AKAP13: variants seen among roughly 807,000 people sequenced by gnomAD.
AKAP13 encodes the protein A-kinase anchoring protein 13.
Under a neutral mutation model 264.5 loss-of-function variants are expected in AKAP13, and 80 were observed. That is an observed-to-expected ratio of 0.30 (90% CI 0.25 to 0.36). AKAP13 has a LOEUF of 0.36. AKAP13 is among the 10% of genes least tolerant of loss of function. The probability of loss-of-function intolerance (pLI) is 1.00; values close to 1 mark genes in which losing one functional copy is unlikely to be tolerated. For missense variants in AKAP13, 3,712 were observed against 3,435.2 expected, an observed-to-expected ratio of 1.08 and a Z score of -2.01; for synonymous variants, 1,380 against 1,250.2, an observed-to-expected ratio of 1.10 and a Z score of -2.19.
At chr15:85,395,063 A>C (rs1452402313) in intron 1 of AKAP13, among the ~76,000 whole-genome samples, 1 of 152,218 alleles carries the variant, frequency 6.6e-6, no homozygotes, top group Admixed American at 6.5e-5. Context: ...AGGACATGCA[A>C]GTTCCTTTTA....
chr15:85,645,690 G>A (rs1258751843), intron 9 of AKAP13, 128 bp from the exon 10 acceptor site: 1 of 985,622 alleles, frequency 1.0e-6, no homozygotes, highest in Non-Finnish European at 1.4e-6. Context: ...AAGGAGGGAA[G>A]GAAGAGAAAA....
chr15:85,536,520 G>A (rs11636764), intron 4 of AKAP13: 72,992 of 151,998 alleles, frequency 0.48, 18,139 homozygotes, highest in Middle Eastern at 0.6. Context: ...GTCTGTGCAC[G>A]GACGTGCTCA....
At chr15:85,397,274 T>G (rs1334917621) in intron 1 of AKAP13, among the ~76,000 whole-genome samples, 1 of 152,156 alleles carries the variant, frequency 6.6e-6, no homozygotes, top group East Asian at 1.9e-4. Context: ...CCTAAGTGCA[T>G]AGATTCTTTG....
chr15:85,388,158 C>A (rs913452363), intron 1 of AKAP13, among the ~76,000 whole-genome samples: 1 of 151,786 alleles, frequency 6.6e-6, no homozygotes, highest in African/African-American at 2.4e-5. Context: ...GCCTCAGCCT[C>A]CTAAGTAGCT....
intron 2 of AKAP13, among the ~76,000 whole-genome samples, chr15:85,507,652 G>A (rs929713690): frequency 6.6e-6 from 1 of 152,232 alleles, no homozygotes; most frequent in African/African-American, 2.4e-5. Flanking sequence ...CATTCTTTTA[G>A]TCAACCAATT....
intron 9 of AKAP13, 38 bp downstream of exon 9, chr15:85,639,487 G>T (rs1219121588): frequency 1.4e-6 from 2 of 1,451,638 alleles, no homozygotes; most frequent in African/African-American, 2.8e-5. Flanking sequence ...TGGAGCTGCA[G>T]CCCCACTCTG....
In AKAP13 at chr15:85,581,281, C is replaced by T. The variant is rs1157281610; in HGVS notation, c.3213C>T (p.Asn1071=). 3 of 1,614,170 alleles carry T rather than the reference C, an allele frequency of 1.9e-6. No homozygotes were observed. Among genetic ancestry groups the T allele is most frequent in the Admixed American group, 3.3e-5 (2 of 60,024 alleles). The change falls in exon 7 of 37, where the codon AAC becomes AAT. Residue 1071 remains asparagine (N), a synonymous_variant. Transcript: ENST00000394518. The part of the protein sequence containing the change: ...QPSPLDVGVK[N]TQSQGKTSAC... ...CTCCTCTGGATGTTGGAGTGAAGAA[C>T]ACTCAATCCCAGGGAAAAACTAGTG...
rs560282738 is a variant in AKAP13 at position 85,578,112 on chromosome 15, G to A, written c.862-818G>A. Among the ~76,000 whole-genome samples, 30 of 152,176 alleles carry A rather than the reference G, an allele frequency of 2.0e-4. No homozygotes were observed. In the South Asian group the frequency reaches 5.6e-3, roughly 28 times the overall value. ...AGCCTGGGCAACATAGTGAGACCCCGTCTCTACAAAAAATAAAACAATTAG... is the reference window on the plus strand; with the variant it reads ...AGCCTGGGCAACATAGTGAGACCCCATCTCTACAAAAAATAAAACAATTAG... On this transcript the variant is annotated intron_variant, in intron 6 of 36. Coordinates refer to ENST00000394518, the MANE Select transcript of AKAP13 (RefSeq NM_007200.5).
intron 1 of AKAP13, chr15:85,415,172 A>G: frequency 9.9e-7 from 1 of 1,009,570 alleles, no homozygotes; most frequent in East Asian, 2.6e-5. Flanking sequence ...ATGTGACAGC[A>G]CGCTGCCACG....
At chr15:85,669,693 A>C in intron 13 of AKAP13, 29 bp from the exon 14 acceptor site, 1 of 1,483,932 alleles carries the variant, frequency 6.7e-7, no homozygotes, top group Non-Finnish European at 9.4e-7. Flanking sequence ...ATATGCTTAC[A>C]ACGTGTTCTT....
intron 9 of AKAP13, among the ~76,000 whole-genome samples, chr15:85,645,605 A>G (rs1042040501): frequency 6.6e-6 from 1 of 152,150 alleles, no homozygotes; most frequent in Non-Finnish European, 1.5e-5. Flanking sequence ...AGCTATTTCA[A>G]CCTAGAATTG....
chr15:85,715,491 A>G (rs192665357), intron 19 of AKAP13, among the ~76,000 whole-genome samples: 95 of 152,244 alleles, frequency 6.2e-4, no homozygotes, highest in African/African-American at 2.3e-3. Context: ...TACAATTTCA[A>G]TAGTTATCAC....
intron 8 of AKAP13, among the ~76,000 whole-genome samples, chr15:85,592,333 C>T (rs1266811241): frequency 6.6e-6 from 1 of 152,158 alleles, no homozygotes; most frequent in Admixed American, 6.5e-5. Flanking sequence ...TGGCTGTTCA[C>T]AGACTTCATG....
intron 1 of AKAP13, among the ~76,000 whole-genome samples, chr15:85,427,434 C>T (rs1036488054): frequency 4.6e-5 from 7 of 151,968 alleles, no homozygotes; most frequent in Admixed American, 2.0e-4. Context: ...ATCCTAAACG[C>T]TTGATAGAGC....
chr15:85,647,718 G>C (rs540951594), intron 10 of AKAP13, among the ~76,000 whole-genome samples: 1 of 152,198 alleles, frequency 6.6e-6, no homozygotes, highest in African/African-American at 2.4e-5. Flanking sequence ...GGCTGAGGCG[G>C]GCTGATCATG....
chr15:85,483,403 G>A (rs902257174), intron 1 of AKAP13, among the ~76,000 whole-genome samples: 1 of 152,122 alleles, frequency 6.6e-6, no homozygotes, highest in Non-Finnish European at 1.5e-5. Flanking sequence ...GAGGCGGGTG[G>A]ATCATGAGGT....
intron 14 of AKAP13, among the ~76,000 whole-genome samples, chr15:85,674,727 G>A (rs1040565556): frequency 1.6e-4 from 25 of 152,162 alleles, no homozygotes; most frequent in African/African-American, 5.1e-4. Flanking sequence ...GATCAAGGTG[G>A]GCCTCTGGAA....
At position 85,744,991 on chromosome 15, in the gene AKAP13, C is replaced by T. The variant is rs752005946; in HGVS notation, c.*314C>T. The T allele has an allele frequency of 1.1e-5, 3 of 266,824 alleles. No individual in the cohort carries two copies. Among genetic ancestry groups the T allele is most frequent in the Non-Finnish European group, 2.1e-5 (3 of 140,664 alleles). 16.5% of individuals were successfully genotyped at this position (266,824 alleles called of 1,614,324 possible). On this transcript the variant is annotated 3_prime_UTR_variant, in exon 37 of 37. Transcript: ENST00000394518. ...GATGGTTTTGGACACGTCAGGAATTCCTAAAGGCTGAAAGAGTGTATCCAA... is the reference window on the plus strand; with the variant it reads ...GATGGTTTTGGACACGTCAGGAATTTCTAAAGGCTGAAAGAGTGTATCCAA...
chr15:85,586,614 G>A (rs552963090), intron 8 of AKAP13, among the ~76,000 whole-genome samples: 5 of 151,862 alleles, frequency 3.3e-5, no homozygotes, highest in Admixed American at 2.0e-4. Context: ...GAAGTATATC[G>A]TTTTCAGCAA....
Sources: gnomAD v4.1 joint callset for allele counts (sites outside exome capture counted in the v4.1 genomes callset) on GRCh38, gnomAD v4.1.1 for gene constraint, MANE v1.5 for transcripts, NCBI Gene and HGNC (gene_info 2026-07-23, HGNC 2026-07-21) for gene names.